MUC4: variants seen among roughly 807,000 people sequenced by gnomAD.
MUC4 encodes mucin 4, cell surface associated.
Under a neutral mutation model 257.9 loss-of-function variants are expected in MUC4, and 202 were observed. The ratio of observed to expected loss-of-function variants is 0.78; its 90% CI spans 0.70 to 0.88. The LOEUF is 0.88. Ranked by LOEUF, MUC4 falls within the 40% of genes least tolerant of loss-of-function variation. The probability of loss-of-function intolerance (pLI) is 0.00; values close to 1 mark genes in which losing one functional copy is unlikely to be tolerated. For missense variants in MUC4, 5,976 were observed against 6,513.7 expected (o/e 0.92, Z 2.84); for synonymous variants, 2,351 against 2,757.1 (o/e 0.85, Z 4.62).
intron 1 of MUC4, among the ~76,000 whole-genome samples, chr3:195,811,014 G>A (rs1376172979): frequency 2.0e-5 from 3 of 151,246 alleles, no homozygotes; most frequent in Non-Finnish European, 2.9e-5. Context: ...CTGCTCTCTG[G>A]CCCTCTGTTC....
chr3:195,756,610 TTCTTTCC>T (rs1717702661), intron 18 of MUC4, among the ~76,000 whole-genome samples: 1 of 149,990 alleles, frequency 6.7e-6, no homozygotes, highest in East Asian at 2.3e-4. Flanking sequence ...TTCCTTTCCT[TTCTTTCC>T]TTTCCTTTCT....
chr3:195,772,159 G>A (rs749135872), intron 4 of MUC4, among the ~76,000 whole-genome samples: 1 of 152,046 alleles, frequency 6.6e-6, no homozygotes, highest in Non-Finnish European at 1.5e-5. Context: ...GGGGCTCAGG[G>A]AGTGGAACCC....
At chr3:195,748,747 A>G (rs1258728028) in intron 24 of MUC4, among the ~76,000 whole-genome samples, 155 bp downstream of exon 24, 1 of 152,226 alleles carries the variant, frequency 6.6e-6, no homozygotes, top group Non-Finnish European at 1.5e-5. Flanking sequence ...TATTCTCCAC[A>G]CAGAGCAGGC....
chr3:195,767,558 C>CCACCAT (rs1721103061), intron 7 of MUC4, among the ~76,000 whole-genome samples: 3 of 37,454 alleles, frequency 8.0e-5, no homozygotes, highest in African/African-American at 3.3e-4. Flanking sequence ...ATCACCATTA[C>CCACCAT]CATTGCCACC....
In MUC4 at chr3:195,788,306, T is replaced by G. The variant is rs1316125644; in HGVS notation, c.3274A>C (p.Thr1092Pro). 1 of 1,546,570 alleles carries G rather than the reference T, an allele frequency of 6.5e-7. No homozygotes were observed. Among genetic ancestry groups the G allele is most frequent in the East Asian group, 2.4e-5 (1 of 40,968 alleles). Reference protein sequence around the residue: ...STGDTTPLPVTDTSSASTGHA... With the variant: ...STGDTTPLPVPDTSSASTGHA... ...CCTGTGGATGCTGAGGAAGTGTCAG[T>G]GACAGGAAGAGGGGTGGTGTCACCT... The change falls in exon 2 of 25, where the codon ACT becomes CCT. Residue 1092 changes from threonine to proline, a missense_variant. Physicochemically the swap from Thr to Pro is conservative, Grantham distance 38. Coordinates refer to ENST00000463781, the MANE Select transcript of MUC4 (RefSeq NM_018406.7).
At position 195,782,552 on chromosome 3, in the gene MUC4, G is replaced by T. The variant is rs199992184; in HGVS notation, c.9028C>A (p.Pro3010Thr). The change falls in exon 2 of 25, where the codon CCT becomes ACT. Residue 3010 changes from proline (P) to threonine (T), a missense_variant. This residue lies in a region of MUC4 where 68 missense variants were observed against 50.2 expected (regional missense o/e 1.35). Coordinates refer to ENST00000463781, the MANE Select transcript of MUC4 (RefSeq NM_018406.7). ...GATATTGAGGAAGTGTCGGTGACAG[G>T]AAGAGAGGTGGCGTGACCTATGGAT... ...SASIGHATSL[P>T]VTDTSSISTG... 443 of 884,860 alleles carry T rather than the reference G, an allele frequency of 5.0e-4. No homozygotes were observed. The East Asian group carries it at 0.019, about 37-fold the overall frequency. The allele number at this position is 884,860 out of a possible 1,614,324, so 54.8% of individuals were successfully genotyped here.
Position 195,789,193 on chromosome 3 carries a change from C to G in MUC4, c.2387G>C (p.Arg796Pro). The G allele has an allele frequency of 2.5e-6, 4 of 1,613,798 alleles. No individual in the cohort carries two copies. In the South Asian group the frequency reaches 4.4e-5, roughly 18 times the overall value. ...GGTAGCTGTGCCCGCTGAGGTGGTT[C>G]GTGACCCTGAGGAGGCCGGTTCGCT... is the stretch of plus-strand genomic sequence containing the variant. Reference protein sequence around the residue: ...QTSEPASSGSRTTSAGTATPS... With the variant: ...QTSEPASSGSPTTSAGTATPS... Residue 796 changes from arginine (R) to proline (P), a missense_variant, in exon 2 of 25, where the codon CGA becomes CCA. By Grantham distance (103) the Arg-to-Pro change is moderately radical (BLOSUM62 -2). This residue lies in a region of MUC4 where 1,583 missense variants were observed against 1,257.4 expected (regional missense o/e 1.26). Transcript: ENST00000463781.
chr3:195,772,764 C>CTCTCCATCGCTCAGGGGTGTGGACACCCT (rs1723298190), intron 4 of MUC4, among the ~76,000 whole-genome samples: 8 of 54,876 alleles, frequency 1.5e-4, no homozygotes, highest in Non-Finnish European at 1.5e-4. Flanking sequence ...GTAGACACCC[C>CTCTCCATCGCTCAGGGGTGTGGACACCCT]CTCTCCATCG....
chr3:195,748,925 G>A lies in MUC4; in HGVS notation c.16011C>T (p.His5337=), dbSNP rs746062888. ...GYCDHGGQCQ[H]LPSGPRCSCV... ...ACCTGCAGCGGGGCCCACTGGGCAG[G>A]TGCTGGCACTGGCCTCCATGGTCAC... The change falls in exon 24 of 25, where the codon CAC becomes CAT. Residue 5337 remains histidine, a synonymous_variant. Transcript: ENST00000463781. 8.2e-6 allele frequency: 13 copies of A among 1,593,800 alleles called. No homozygotes were observed. The highest frequency in any genetic ancestry group is 4.5e-5 in the East Asian group (2 of 43,994).
Position 195,780,542 on chromosome 3 carries a change from G to A in MUC4, c.11038C>T (p.Arg3680Cys), listed in dbSNP as rs532747576. The change falls in exon 2 of 25, where the codon CGT becomes TGT. Residue 3680 changes from arginine (R) to cysteine (C), a missense_variant. Around this residue, in one of 44 missense-constraint regions of MUC4, gnomAD observed 330 missense variants for 262.0 expected, o/e 1.26. Transcript: ENST00000463781. Reference protein sequence around the residue: ...TSSASTGDTTRLPVTDTSSAS... With the variant: ...TSSASTGDTTCLPVTDTSSAS... ...GAGGAAGTGTCCGTGACAGGAAGACGGGTGGTGTCACCTGTGGATGCTGAG... is the reference window on the plus strand; with the variant it reads ...GAGGAAGTGTCCGTGACAGGAAGACAGGTGGTGTCACCTGTGGATGCTGAG... 39 of 600,068 alleles carry A rather than the reference G, an allele frequency of 6.5e-5. 2 individuals are homozygous for A. The highest frequency in any genetic ancestry group is 3.4e-4 in the East Asian group (4 of 11,662). 37.2% of individuals were successfully genotyped at this position (600,068 alleles called of 1,614,324 possible). A position where few individuals can be genotyped will look rare whatever the true frequency, so the allele number is the denominator to read the frequency against.
Position 195,747,291 on chromosome 3 carries a change from C to G in MUC4, c.16124G>C (p.Gly5375Ala), listed in dbSNP as rs762031288. The G allele has an allele frequency of 5.0e-6, 8 of 1,614,194 alleles. No individual in the cohort carries two copies. The Admixed American group carries it at 1.2e-4, about 24-fold the overall frequency. ...KLDAFFGIFF[G>A]ALGGLLLLGV... ...CAGCAGCAAGAGGCCGCCCAGGGCCCCAAAGAAGATGCCGAAGAACGCGTC... is the reference window on the plus strand; with the variant it reads ...CAGCAGCAAGAGGCCGCCCAGGGCCGCAAAGAAGATGCCGAAGAACGCGTC... The change falls in exon 25 of 25, where the codon GGG (glycine) becomes GCG (alanine). Residue 5375 changes from glycine (G) to alanine (A), a missense_variant. By Grantham distance (60) the Gly-to-Ala change is moderately conservative. Transcript: ENST00000463781.
rs1451815587 is a variant in MUC4 at position 195,749,136 on chromosome 3, A to G, written c.15872-72T>C. The stretch of plus-strand genomic sequence containing the variant: ...TAAATCAGTACCTTTTCAGCCACGA[A>G]TTCCTTTTCGGGTGTTTATCCTGAG... On this transcript the variant is annotated intron_variant, in intron 23 of 24. Transcript: ENST00000463781. 8 of 1,558,856 alleles carry G rather than the reference A, an allele frequency of 5.1e-6. No homozygotes were observed. The African/African-American group carries it at 8.2e-5, about 16-fold the overall frequency.
chr3:195,811,692 A>C, intron 1 of MUC4, 44 bp downstream of exon 1: 1 of 1,588,046 alleles, frequency 6.3e-7, no homozygotes. Flanking sequence ...ACCTCCCCCA[A>C]GTGCTCCCCG....
At position 195,786,416 on chromosome 3, in the gene MUC4, A is replaced by T. The variant is rs1410282871; in HGVS notation, c.5164T>A (p.Ser1722Thr). Residue 1722 changes from serine (S) to threonine (T), a missense_variant, in exon 2 of 25, where the codon TCC becomes ACC. By Grantham distance (58) the Ser-to-Thr change is moderately conservative. Around this residue, in one of 44 missense-constraint regions of MUC4, gnomAD observed 138 missense variants for 107.8 expected, o/e 1.28. Transcript: ENST00000463781. ...PLPVTSLSSV[S>T]TGDTTPLPVT... ...GGAAGAGGCGTGGTGTCACCTGTGG[A>T]TACTGAGGAAAGGCTGGTGACAGGA... 3.3e-6 allele frequency: 5 copies of T among 1,530,440 alleles called. 1 individual carries two copies. Among genetic ancestry groups the T allele is most frequent in the Non-Finnish European group, 4.4e-6 (5 of 1,135,534 alleles). The allele number at this position is 1,530,440 out of a possible 1,614,324, so 94.8% of individuals were successfully genotyped here. A position where few individuals can be genotyped will look rare whatever the true frequency, so the allele number is the denominator to read the frequency against.
chr3:195,762,807 T>G, intron 13 of MUC4, 48 bp downstream of exon 13: 1 of 1,313,364 alleles, frequency 7.6e-7, no homozygotes, highest in Non-Finnish European at 1.0e-6. Flanking sequence ...CCCGCCCACC[T>G]CGCTGCTCCC....
In MUC4 at chr3:195,748,891, G is replaced by A. The variant is rs754166281; in HGVS notation, c.16034+11C>T. ...CACTGTCCTCCACCTCCTGGCCACA[G>A]CCCTATGCACCTGCAGCGGGGCCCA... On this transcript the variant is annotated intron_variant, in intron 24 of 24. Coordinates refer to ENST00000463781, the MANE Select transcript of MUC4 (RefSeq NM_018406.7). The A allele has an allele frequency of 1.9e-6, 3 of 1,566,828 alleles. No individual in the cohort carries two copies. The highest frequency in any genetic ancestry group is 1.9e-5 in the Admixed American group (1 of 53,364).
Position 195,752,461 on chromosome 3 carries a change from A to G in MUC4, c.15509-15T>C, listed in dbSNP as rs747012087. 4.4e-6 allele frequency: 7 copies of G among 1,608,604 alleles called. No homozygotes were observed. The highest frequency in any genetic ancestry group is 6.0e-6 in the Non-Finnish European group (7 of 1,174,826). On this transcript the variant is annotated splice_polypyrimidine_tract_variant and intron_variant, in intron 20 of 24. Transcript: ENST00000463781. The stretch of plus-strand genomic sequence containing the variant: ...TAAGGGAAGTTCTGGAGATGGGAGA[A>G]GCAAATGTATCATCACCCCACGGTT...
intron 1 of MUC4, among the ~76,000 whole-genome samples, chr3:195,802,171 A>G (rs1735407496): frequency 6.6e-6 from 1 of 152,120 alleles, no homozygotes; most frequent in African/African-American, 2.4e-5. Flanking sequence ...CCTTCTGTTC[A>G]TGCTAACAAC....
At position 195,791,170 on chromosome 3, in the gene MUC4, G is replaced by A. The variant is rs747125652; in HGVS notation, c.410C>T (p.Thr137Ile). ...GTCTGTGGAGGTTGTCATTGTTATA[G>A]TCTTTGATGTCATCATGAGTGTGTT... ...VTNTLMMTSK[T>I]ITMTTSTDST... The change falls in exon 2 of 25, where the codon ACT becomes ATT. Residue 137 changes from threonine to isoleucine, a missense_variant. Around this residue, in one of 44 missense-constraint regions of MUC4, gnomAD observed 1,583 missense variants for 1,257.4 expected, o/e 1.26. Transcript: ENST00000463781. 1 of 1,613,934 alleles carries A rather than the reference G, an allele frequency of 6.2e-7. No homozygotes were observed. The highest frequency in any genetic ancestry group is 1.1e-5 in the South Asian group (1 of 91,088).
Sources: allele counts gnomAD v4.1 joint callset (sites outside exome capture counted in the v4.1 genomes callset), GRCh38; gene constraint gnomAD v4.1.1; regional missense constraint gnomAD v4.1.1; transcripts MANE v1.5; gene names NCBI Gene and HGNC (gene_info 2026-07-23, HGNC 2026-07-21).